NONO: variants seen among roughly 807,000 people sequenced by gnomAD.
The protein encoded by NONO is non-POU domain containing octamer binding.
NONO carries 6 observed loss-of-function variants against 40.2 expected under a neutral mutation model. That is an observed-to-expected ratio of 0.15 (90% CI 0.08 to 0.29). The LOEUF (loss-of-function observed/expected upper bound fraction) is 0.29. Among genes scored for constraint, NONO ranks in the 10% least tolerant of loss-of-function variants. NONO has a pLI of 1.00. For synonymous variants in NONO, 89 were observed against 123.3 expected (o/e 0.72, Z 1.85); for missense variants, 133 against 397.8 (o/e 0.33, Z 5.66).
At chrX:71,290,888 C>A in intron 3 of NONO, 97 bp downstream of exon 3, 1 of 894,511 alleles carries the variant, frequency 1.1e-6, no homozygotes, top group Non-Finnish European at 1.5e-6. Context: ...GGGAATAGGC[C>A]TTTATGGCAC....
At chrX:71,291,519 T>G (rs144208248) in intron 3 of NONO, among the ~76,000 whole-genome samples, 1 of 111,376 alleles carries the variant, frequency 9.0e-6, no homozygotes, top group South Asian at 3.7e-4. Flanking sequence ...CTTTGGCCGG[T>G]AACGCCTATA....
chrX:71,287,118 T>C, intron 2 of NONO, among the ~76,000 whole-genome samples: 1 of 112,608 alleles, frequency 8.9e-6, no homozygotes, highest in Non-Finnish European at 1.9e-5. Flanking sequence ...TCTCACTTTG[T>C]TGCCCAGGCT....
intron 2 of NONO, among the ~76,000 whole-genome samples, chrX:71,290,087 T>A (rs749582762): frequency 9.0e-6 from 1 of 111,062 alleles, no homozygotes; most frequent in South Asian, 3.8e-4. Context: ...TTTTTAAATG[T>A]TGTTGTAGAG....
In NONO at chrX:71,298,842, G is replaced by A. The variant is rs781655206; in HGVS notation, c.1281+26G>A. ...GTAATAAAACTGCAGTGCCTTAACA[G>A]TAATTCTAAATGGTGGTAGGAGGAG... On this transcript the variant is annotated intron_variant, in intron 11 of 11. Transcript: ENST00000276079. 3.0e-5 allele frequency: 33 copies of A among 1,093,462 alleles called. No individual in the cohort carries two copies. The South Asian group carries it at 5.5e-4, about 18-fold the overall frequency. The allele number at this position is 1,093,462 out of a possible 1,213,427, so 90.1% of individuals were successfully genotyped here. A position where few individuals can be genotyped will look rare whatever the true frequency, so the allele number is the denominator to read the frequency against.
chrX:71,300,881 C>A lies in NONO; in HGVS notation c.*805C>A, dbSNP rs1215140235. On this transcript the variant is annotated 3_prime_UTR_variant, in exon 12 of 12. Transcript: ENST00000276079. Reference sequence around the variant, plus strand: ...TAAAAAAAAATCTTGTGTTAACTTGCCTCCATCTTTTTCTTGGGTGAGGAC... The same window carrying A: ...TAAAAAAAAATCTTGTGTTAACTTGACTCCATCTTTTTCTTGGGTGAGGAC... 2 of 160,393 alleles carry A rather than the reference C, an allele frequency of 1.2e-5. No homozygotes were observed. The highest frequency in any genetic ancestry group is 2.4e-5 in the Non-Finnish European group (2 of 82,838). 13.2% of individuals were successfully genotyped at this position (160,393 alleles called of 1,213,427 possible). A position where few individuals can be genotyped will look rare whatever the true frequency, so the allele number is the denominator to read the frequency against.
chrX:71,294,602 G>A, intron 5 of NONO, 74 bp downstream of exon 5: 1 of 993,003 alleles, frequency 1.0e-6, no homozygotes, highest in Admixed American at 3.0e-5. Context: ...TTAGCCTCTA[G>A]TAACCACTTT....
chrX:71,290,370 T>C (rs1569238459), intron 2 of NONO, among the ~76,000 whole-genome samples: 1 of 112,188 alleles, frequency 8.9e-6, no homozygotes, highest in African/African-American at 3.2e-5. Context: ...TTTTTCTTTA[T>C]TTTTTTCCTT....
chrX:71,298,034 G>A (rs777953140), intron 9 of NONO, 96 bp downstream of exon 9: 6 of 556,151 alleles, frequency 1.1e-5, no homozygotes, highest in African/African-American at 2.3e-5. Context: ...ATTTTCCCGT[G>A]TTGTGAAATA....
chrX:71,294,396 A>T lies in NONO; in HGVS notation c.518A>T (p.Gln173Leu), dbSNP rs1424914550. The T allele has an allele frequency of 8.3e-7, 1 of 1,211,847 alleles. No individual in the cohort carries two copies. The highest frequency in any genetic ancestry group is 1.7e-5 in the African/African-American group (1 of 57,811). The part of the protein sequence containing the change: ...LLEEAFSVFG[Q>L]VERAVVIVDD... ...GAAGAAGCCTTTTCTGTGTTTGGCC[A>T]GGTAGAGAGGGCTGTAGTCATTGTG... The change falls in exon 5 of 12, where the codon CAG (glutamine) becomes CTG (leucine). Residue 173 changes from glutamine to leucine, a missense_variant. Transcript: ENST00000276079.
At chrX:71,298,287 G>A (rs2031496736) in intron 9 of NONO, 182 bp from the exon 10 acceptor site, 1 of 475,611 alleles carries the variant, frequency 2.1e-6, no homozygotes, top group South Asian at 3.2e-5. Context: ...TCTGGCTTAC[G>A]TCCTAGTAGC....
chrX:71,297,098 TAAATGGG>T, intron 7 of NONO, 51 bp downstream of exon 7: 2 of 1,025,593 alleles, frequency 2.0e-6, no homozygotes, highest in Non-Finnish European at 2.6e-6. Context: ...ATGACATTTT[TAAATGGG>T]TTTCTTTGTA....
chrX:71,298,431 G>A, intron 9 of NONO, 38 bp from the exon 10 acceptor site: 1 of 1,163,457 alleles, frequency 8.6e-7, no homozygotes, highest in South Asian at 1.8e-5. Flanking sequence ...AGAATGCACT[G>A]CTGTCTTGGA....
intron 2 of NONO, among the ~76,000 whole-genome samples, chrX:71,289,502 A>G (rs973729609): frequency 2.7e-5 from 3 of 111,565 alleles, no homozygotes; most frequent in African/African-American, 9.8e-5. Flanking sequence ...CATGTTAGGC[A>G]GGATGGTCTT....
chrX:71,300,920 C>G lies in NONO; in HGVS notation c.*844C>G. 1 of 161,198 alleles carries G rather than the reference C, an allele frequency of 6.2e-6. No homozygotes were observed. Among genetic ancestry groups the G allele is most frequent in the Non-Finnish European group, 1.2e-5 (1 of 82,532 alleles). 13.3% of individuals were successfully genotyped at this position (161,198 alleles called of 1,213,427 possible). On this transcript the variant is annotated 3_prime_UTR_variant, in exon 12 of 12. Coordinates refer to ENST00000276079, the MANE Select transcript of NONO (RefSeq NM_007363.5). ...TTGGGTGAGGACACCCAGGAATGAC[C>G]CTTTTGTGTCTATGATGTTGCTGTT...
chrX:71,287,866 T>C (rs780551463), intron 2 of NONO, among the ~76,000 whole-genome samples: 1,542 of 70,720 alleles, frequency 0.022, 11 homozygotes, highest in Non-Finnish European at 0.031. Flanking sequence ...CCCCCTACCC[T>C]TTTTTTTTTT....
chrX:71,298,714 G>A lies in NONO; in HGVS notation c.1179G>A (p.Met393Ile), dbSNP rs138148374. 8.3e-7 allele frequency: 1 copy of A among 1,205,180 alleles called. No homozygotes were observed. Among genetic ancestry groups the A allele is most frequent in the African/African-American group, 1.8e-5 (1 of 57,115 alleles). ...CACACTACTCTGCCTTAGGTGCTAT[G>A]GGCATAAACAACAGAGGTGCCATGC... ...RMGQMAMGGA[M>I]GINNRGAMPP... The change falls in exon 11 of 12, where the codon ATG (methionine) becomes ATA (isoleucine). Residue 393 changes from methionine to isoleucine, a missense_variant. Met to Ile is a conservative substitution (Grantham distance 10). Coordinates refer to ENST00000276079, the MANE Select transcript of NONO (RefSeq NM_007363.5).
chrX:71,290,605 TATTA>T lies in NONO; in HGVS notation c.-9-23_-9-20del. On this transcript the variant is annotated intron_variant, in intron 2 of 11. Coordinates refer to ENST00000276079, the MANE Select transcript of NONO (RefSeq NM_007363.5). ...TTGTGTTATTAGTACTGAATTTATT[TATTA>T]GTCTACTTTTTCTTTGTAGGGTGCA... 1.7e-6 allele frequency: 2 copies of T among 1,177,177 alleles called. No individual in the cohort carries two copies. Among genetic ancestry groups the T allele is most frequent in the Non-Finnish European group, 2.3e-6 (2 of 866,567 alleles).
intron 5 of NONO, among the ~76,000 whole-genome samples, chrX:71,294,734 A>T (rs1355754487): frequency 4.5e-5 from 5 of 110,785 alleles, no homozygotes; most frequent in African/African-American, 1.6e-4. Flanking sequence ...CCTGACCAAC[A>T]TGGTGAAACC....
At chrX:71,290,057 C>T (rs982226886) in intron 2 of NONO, among the ~76,000 whole-genome samples, 1 of 111,019 alleles carries the variant, frequency 9.0e-6, no homozygotes, top group Non-Finnish European at 1.9e-5. Context: ...TTGAGCCACA[C>T]GCCCAACCTG....
Sources: gnomAD v4.1 joint callset for allele counts (sites outside exome capture counted in the v4.1 genomes callset) on GRCh38, gnomAD v4.1.1 for gene constraint, MANE v1.5 for transcripts, NCBI Gene and HGNC (gene_info 2026-07-23, HGNC 2026-07-21) for gene names.